Variants in GNAI1 observed in about 807,000 individuals in gnomAD.
GNAI1 encodes guanine nucleotide-binding protein G(i) subunit alpha-1.
In GNAI1, 11 loss-of-function variants were observed where a neutral mutation model predicts 38.9. The observed-to-expected ratio is 0.28, with a 90% CI of 0.18 to 0.47. The LOEUF is 0.47. Among genes scored for constraint, GNAI1 ranks in the 20% least tolerant of loss-of-function variants. The pLI is 0.99. For missense variants in GNAI1, 317 were observed against 436.9 expected (o/e 0.73, Z 2.45); for synonymous variants, 166 against 145.1 (o/e 1.14, Z -1.04).
In GNAI1 at chr7:80,220,388, C is replaced by G. The variant is rs905245150; in HGVS notation, c.*2895C>G. 1.3e-5 allele frequency among the ~76,000 whole-genome samples: 2 copies of G among 152,086 alleles called. No individual in the cohort carries two copies. The highest frequency in any genetic ancestry group is 2.9e-5 in the Non-Finnish European group (2 of 68,006). On this transcript the variant is annotated 3_prime_UTR_variant, in exon 8 of 8. Transcript: ENST00000649796. Reference sequence around the variant, plus strand: ...GCACTTTTAAATTTGTTTGTGATACCTCTTTTAGACTCCTCTGGCATCTGT... The same window carrying G: ...GCACTTTTAAATTTGTTTGTGATACGTCTTTTAGACTCCTCTGGCATCTGT...
chr7:80,207,094 A>T lies in GNAI1; in HGVS notation c.590+3262A>T, dbSNP rs532860928. ...GGTTCCCCTAATAAGTAGTTGGGTA[A>T]ACTTGGTTAAGTTTCTTAACAGGCT... is the stretch of plus-strand genomic sequence containing the variant. On this transcript the variant is annotated intron_variant, in intron 5 of 7. Transcript: ENST00000649796. Among the ~76,000 whole-genome samples, 5 of 152,168 alleles carry T rather than the reference A, an allele frequency of 3.3e-5. No individual in the cohort carries two copies. The South Asian group carries it at 6.2e-4, about 19-fold the overall frequency.
intron 5 of GNAI1, among the ~76,000 whole-genome samples, chr7:80,205,678 A>T (rs774862295): frequency 2.6e-5 from 4 of 152,056 alleles, no homozygotes; most frequent in Non-Finnish European, 4.4e-5. Context: ...TCTAACTTTT[A>T]CCCAACTCCA....
At chr7:80,209,762 A>C (rs1038127802) in intron 5 of GNAI1, among the ~76,000 whole-genome samples, 11 of 152,144 alleles carry the variant, frequency 7.2e-5, no homozygotes, top group African/African-American at 2.7e-4. Flanking sequence ...ATTTTAGCAA[A>C]TGGTAACCCA....
chr7:80,180,821 G>A (rs201626959), intron 1 of GNAI1, among the ~76,000 whole-genome samples: 311 of 152,190 alleles, frequency 2.0e-3, no homozygotes, highest in Admixed American at 4.6e-3. Flanking sequence ...TAAATTATAT[G>A]TTCTCCTGAC....
rs1173911566 is a variant in GNAI1 at position 80,218,368 on chromosome 7, T to G, written c.*875T>G. 6.6e-6 allele frequency: 1 copy of G among 152,106 alleles called. No homozygotes were observed. Among genetic ancestry groups the G allele is most frequent in the Non-Finnish European group, 1.5e-5 (1 of 67,976 alleles). 9.4% of individuals were successfully genotyped at this position (152,106 alleles called of 1,614,324 possible). On this transcript the variant is annotated 3_prime_UTR_variant, in exon 8 of 8. Coordinates refer to ENST00000649796, the MANE Select transcript of GNAI1 (RefSeq NM_002069.6). ...TGCCTCAAAGGTGATGTCATCTTAA[T>G]TTTTATTCACTTTAAATAACTACAT... is the stretch of plus-strand genomic sequence containing the variant.
In GNAI1 at chr7:80,210,962, T is replaced by C. The variant is rs368601117; in HGVS notation, c.591-7T>C. Reference sequence around the variant, plus strand: ...ATGTGATGTTAACTCATTTCTCCTCTTAACAGAATGTTTGATGTGGGAGGT... The same window carrying C: ...ATGTGATGTTAACTCATTTCTCCTCCTAACAGAATGTTTGATGTGGGAGGT... On this transcript the variant is annotated splice_region_variant and splice_polypyrimidine_tract_variant and intron_variant, in intron 5 of 7. Coordinates refer to ENST00000649796, the MANE Select transcript of GNAI1 (RefSeq NM_002069.6). The C allele has an allele frequency of 6.2e-7, 1 of 1,612,834 alleles. No homozygotes were observed. The highest frequency in any genetic ancestry group is 1.7e-4 in the Middle Eastern group (1 of 6,060).
In GNAI1 at chr7:80,219,272, T is replaced by A. The variant is rs553470022; in HGVS notation, c.*1779T>A. ...AAATTCAACTATAATATGAATAAATTTGAATCATGAGAATTATGGGTTAAA... is the reference window on the plus strand; with the variant it reads ...AAATTCAACTATAATATGAATAAATATGAATCATGAGAATTATGGGTTAAA... On this transcript the variant is annotated 3_prime_UTR_variant, in exon 8 of 8. Transcript: ENST00000649796. 6.5e-6 allele frequency: 1 copy of A among 152,694 alleles called. No individual in the cohort carries two copies. Among genetic ancestry groups the A allele is most frequent in the South Asian group, 2.1e-4 (1 of 4,818 alleles). 9.5% of individuals were successfully genotyped at this position (152,694 alleles called of 1,614,324 possible). A position where few individuals can be genotyped will look rare whatever the true frequency, so the allele number is the denominator to read the frequency against.
chr7:80,164,655 T>C (rs1048461824), intron 1 of GNAI1, among the ~76,000 whole-genome samples: 7 of 152,192 alleles, frequency 4.6e-5, no homozygotes, highest in Non-Finnish European at 5.9e-5. Context: ...TTTTACTTTT[T>C]AATGAGTTGT....
At chr7:80,149,543 G>T (rs113141774) in intron 1 of GNAI1, among the ~76,000 whole-genome samples, 6,239 of 152,080 alleles carry the variant, frequency 0.041, 210 homozygotes, top group African/African-American at 0.095. Flanking sequence ...GATAACAATG[G>T]CTTCCCATTG....
intron 1 of GNAI1, among the ~76,000 whole-genome samples, chr7:80,177,570 C>T (rs1178074231): frequency 6.6e-6 from 1 of 152,200 alleles, no homozygotes; most frequent in African/African-American, 2.4e-5. Flanking sequence ...CAGCCTTTGA[C>T]TCCTGAGCTC....
rs1789034506 is a variant in GNAI1 at position 80,219,423 on chromosome 7, A to G, written c.*1930A>G. The stretch of plus-strand genomic sequence containing the variant: ...AATTTTACAAACCTATTGGCTAAGT[A>G]CATTTTGGATTAGAATTTAAGTATC... On this transcript the variant is annotated 3_prime_UTR_variant, in exon 8 of 8. Transcript: ENST00000649796. The G allele has an allele frequency of 6.6e-6, 1 of 152,598 alleles. No individual in the cohort carries two copies. Among genetic ancestry groups the G allele is most frequent in the South Asian group, 2.1e-4 (1 of 4,828 alleles). The allele number at this position is 152,598 out of a possible 1,614,324, so 9.5% of individuals were successfully genotyped here.
intron 5 of GNAI1, among the ~76,000 whole-genome samples, chr7:80,209,362 A>G (rs561476708): frequency 6.6e-6 from 1 of 152,212 alleles, no homozygotes; most frequent in Admixed American, 6.5e-5. Flanking sequence ...ATGAATTGTC[A>G]TAACATTGTG....
chr7:80,199,068 T>G (rs577461029), intron 3 of GNAI1, among the ~76,000 whole-genome samples, 157 bp from the exon 4 acceptor site: 1 of 152,324 alleles, frequency 6.6e-6, no homozygotes, highest in African/African-American at 2.4e-5. Context: ...AGGCAATTTT[T>G]AAGTGGTGGC....
intron 1 of GNAI1, chr7:80,187,210 TG>T (rs1788401708): frequency 8.6e-4 from 1 of 1,158 alleles, no homozygotes; most frequent in African/African-American, 3.0e-3. Flanking sequence ...TGTGTGTCTT[TG>T]TGTGTGTGTG....
Position 80,189,094 on chromosome 7 carries a change from A to T in GNAI1, c.166A>T (p.Ile56Phe). Reference sequence around the variant, plus strand: ...TTTTCCCTTTTGTCTCATTAGAATTATCCATGAAGCTGGTTATTCAGAAGA... The same window carrying T: ...TTTTCCCTTTTGTCTCATTAGAATTTTCCATGAAGCTGGTTATTCAGAAGA... Reference protein sequence around the residue: ...KSTIVKQMKIIHEAGYSEEEC... With the variant: ...KSTIVKQMKIFHEAGYSEEEC... Residue 56 changes from isoleucine (I) to phenylalanine (F), a missense_variant, in exon 3 of 8, where the codon ATC (isoleucine) becomes TTC (phenylalanine). Coordinates refer to ENST00000649796, the MANE Select transcript of GNAI1 (RefSeq NM_002069.6). 6.2e-7 allele frequency: 1 copy of T among 1,605,828 alleles called. No homozygotes were observed. The highest frequency in any genetic ancestry group is 8.5e-7 in the Non-Finnish European group (1 of 1,175,644).
chr7:80,206,133 C>G (rs1214829565), intron 5 of GNAI1, among the ~76,000 whole-genome samples: 1 of 152,012 alleles, frequency 6.6e-6, no homozygotes, highest in African/African-American at 2.4e-5. Flanking sequence ...ACATTTGTTA[C>G]TATCACTTGT....
In GNAI1 at chr7:80,224,642, T is replaced by G. The variant is rs1789129874; in HGVS notation, c.*7149T>G. Among the ~76,000 whole-genome samples the G allele has an allele frequency of 6.6e-6, 1 of 152,176 alleles. No individual in the cohort carries two copies. The highest frequency in any genetic ancestry group is 1.5e-5 in the Non-Finnish European group (1 of 68,038). ...CATGTCAATGGCTGTGAAAAGCCAG[T>G]GCAGTAAAGAAGTAAAGAGCTCTCT... On this transcript the variant is annotated 3_prime_UTR_variant, in exon 8 of 8. Transcript: ENST00000649796.
Position 80,223,185 on chromosome 7 carries a change from T to C in GNAI1, c.*5692T>C, listed in dbSNP as rs142430960. Among the ~76,000 whole-genome samples the C allele has an allele frequency of 1.1e-4, 17 of 152,360 alleles. No homozygotes were observed. The East Asian group carries it at 3.3e-3, about 29-fold the overall frequency. On this transcript the variant is annotated 3_prime_UTR_variant, in exon 8 of 8. Transcript: ENST00000649796. ...ACCATCTGTACATAGAGTAGGACTC[T>C]TGAGAGCCTAAGGGCCACAGAAATT...
chr7:80,146,956 G>C (rs1430944154), intron 1 of GNAI1, among the ~76,000 whole-genome samples: 1 of 152,086 alleles, frequency 6.6e-6, no homozygotes, highest in Non-Finnish European at 1.5e-5. Context: ...TGTCAATCTA[G>C]AAACTTGTTT....
Sources: gnomAD v4.1 joint callset for allele counts (sites outside exome capture counted in the v4.1 genomes callset) on GRCh38, gnomAD v4.1.1 for gene constraint, MANE v1.5 for transcripts, NCBI Gene and HGNC (gene_info 2026-07-23, HGNC 2026-07-21) for gene names.